TEAD4: variants seen among roughly 807,000 people sequenced by gnomAD.
TEAD4 encodes TEA domain transcription factor 4.
TEAD4 carries 36 observed loss-of-function variants against 52.4 expected under a neutral mutation model. The ratio of observed to expected loss-of-function variants is 0.69; its 90% confidence interval spans 0.53 to 0.91. TEAD4 has a LOEUF of 0.91. Ranked by LOEUF, TEAD4 falls within the 40% of genes least tolerant of loss-of-function variation. TEAD4 has a pLI of 0.00. For missense variants in TEAD4, 508 were observed against 583.9 expected (o/e 0.87, Z 1.34); for synonymous variants, 220 against 231.0 (o/e 0.95, Z 0.43).
intron 9 of TEAD4, 79 bp downstream of exon 9, chr12:3,020,852 C>A: frequency 7.2e-7 from 1 of 1,396,732 alleles, no homozygotes; most frequent in Non-Finnish European, 9.5e-7. Context: ...TCTTGCCCCA[C>A]TCCATGCTGG....
At chr12:2,973,995 C>T (rs2098227365) in intron 2 of TEAD4, among the ~76,000 whole-genome samples, 1 of 152,018 alleles carries the variant, frequency 6.6e-6, no homozygotes, top group African/African-American at 2.4e-5. Context: ...TGAAGGCTTC[C>T]AGCTATTGTT....
At chr12:3,006,616 G>A (rs539266037) in intron 3 of TEAD4, among the ~76,000 whole-genome samples, 7 of 152,184 alleles carry the variant, frequency 4.6e-5, no homozygotes, top group East Asian at 1.9e-4. Context: ...CCTGGGAGGC[G>A]GAGGTTGTGG....
intron 10 of TEAD4, among the ~76,000 whole-genome samples, chr12:3,036,382 G>A (rs1275709216): frequency 6.6e-6 from 1 of 152,192 alleles, no homozygotes; most frequent in Non-Finnish European, 1.5e-5. Context: ...CCCACCGCCA[G>A]TCTAGAGAAA....
In TEAD4 at chr12:3,038,101, A is replaced by G. The variant is rs2098280526; in HGVS notation, c.1031A>G (p.Lys344Arg). The change falls in exon 11 of 13, where the codon AAA (lysine) becomes AGA (arginine). Residue 344 changes from lysine to arginine, a missense_variant. Physicochemically the swap from Lys to Arg is conservative, Grantham distance 26. Coordinates refer to ENST00000359864, the MANE Select transcript of TEAD4 (RefSeq NM_003213.4). The stretch of plus-strand genomic sequence containing the variant: ...TCTTTCGGCAAGCAGGTGGTGGAGA[A>G]AGTTGAGGTAGGAGGCCACCCTGGC... The G allele has an allele frequency of 1.2e-6, 2 of 1,611,678 alleles. No individual in the cohort carries two copies. Among genetic ancestry groups the G allele is most frequent in the African/African-American group, 2.7e-5 (2 of 74,870 alleles).
chr12:3,023,723 C>T (rs915172158), intron 10 of TEAD4, among the ~76,000 whole-genome samples: 8 of 147,518 alleles, frequency 5.4e-5, no homozygotes, highest in African/African-American at 2.0e-4. Context: ...ACGTGGGAGG[C>T]GGAGGTTGCA....
intron 3 of TEAD4, among the ~76,000 whole-genome samples, chr12:3,000,077 C>T (rs191381140): frequency 1.6e-4 from 25 of 152,276 alleles, no homozygotes; most frequent in Admixed American, 6.5e-4. Flanking sequence ...CTGGGCAGGC[C>T]GGGCTGAGGC....
At chr12:2,971,888 C>T (rs2098225466) in intron 2 of TEAD4, among the ~76,000 whole-genome samples, 1 of 145,540 alleles carries the variant, frequency 6.9e-6, no homozygotes, top group South Asian at 2.1e-4. Flanking sequence ...TCACAGCTCA[C>T]TGCAACCTCC....
At chr12:3,034,503 C>A (rs537209382) in intron 10 of TEAD4, among the ~76,000 whole-genome samples, 15 of 152,224 alleles carry the variant, frequency 9.9e-5, no homozygotes, top group African/African-American at 2.6e-4. Flanking sequence ...GGGGGATCTG[C>A]CAATTGCTCC....
At chr12:3,026,484 T>G (rs1166035707) in intron 10 of TEAD4, among the ~76,000 whole-genome samples, 1 of 152,228 alleles carries the variant, frequency 6.6e-6, no homozygotes, top group Non-Finnish European at 1.5e-5. Flanking sequence ...GTATGACTTC[T>G]GTACTCAGGG....
rs753892781 is a variant in TEAD4 at position 3,021,818 on chromosome 12, C to G, written c.724-26C>G. On this transcript the variant is annotated intron_variant, in intron 9 of 12. Coordinates refer to ENST00000359864, the MANE Select transcript of TEAD4 (RefSeq NM_003213.4). The stretch of plus-strand genomic sequence containing the variant: ...TCTGACCGTCTGGCCTGTGCTCCGT[C>G]TCCCTCAGACCCACTCTCTCCACAG... The G allele has an allele frequency of 4.2e-5, 67 of 1,608,808 alleles. 1 individual carries two copies. The South Asian group carries it at 6.8e-4, about 16-fold the overall frequency.
At chr12:2,987,000 CTG>C (rs1169787075) in intron 2 of TEAD4, among the ~76,000 whole-genome samples, 12 of 152,146 alleles carry the variant, frequency 7.9e-5, no homozygotes, top group Non-Finnish European at 1.2e-4. Context: ...TTTCTGGTCT[CTG>C]TGTGGATAGT....
chr12:3,020,831 G>A, intron 9 of TEAD4, 58 bp downstream of exon 9: 3 of 1,475,554 alleles, frequency 2.0e-6, no homozygotes, highest in Middle Eastern at 1.8e-4. Flanking sequence ...CTCTGTTTCT[G>A]CTTCCGGCAG....
At chr12:2,983,065 G>A (rs570012751) in intron 2 of TEAD4, among the ~76,000 whole-genome samples, 49 of 152,194 alleles carry the variant, frequency 3.2e-4, no homozygotes, top group Middle Eastern at 3.4e-3. Flanking sequence ...GGCCTCCACC[G>A]CACCCTCCAC....
intron 2 of TEAD4, among the ~76,000 whole-genome samples, chr12:2,991,765 C>A (rs922848193): frequency 1.3e-5 from 2 of 151,748 alleles, no homozygotes; most frequent in Non-Finnish European, 2.9e-5. Flanking sequence ...TAGTTTATTC[C>A]CGAAAAAGCG....
At chr12:3,013,303 T>C (rs577711752) in intron 5 of TEAD4, among the ~76,000 whole-genome samples, 9 of 151,674 alleles carry the variant, frequency 5.9e-5, no homozygotes, top group African/African-American at 1.7e-4. Flanking sequence ...TTTTCTTTTC[T>C]TCCCCCAACA....
chr12:3,031,548 TA>T (rs2098275552), intron 10 of TEAD4, among the ~76,000 whole-genome samples: 1 of 152,066 alleles, frequency 6.6e-6, no homozygotes, highest in Admixed American at 6.5e-5. Flanking sequence ...AGGCATGGAG[TA>T]AGCAGGGCCT....
At chr12:3,033,322 C>T (rs2098277029) in intron 10 of TEAD4, among the ~76,000 whole-genome samples, 1 of 152,226 alleles carries the variant, frequency 6.6e-6, no homozygotes, top group Admixed American at 6.5e-5. Flanking sequence ...GGGCTGTGCA[C>T]AGCCTCAGCC....
chr12:2,965,856 A>T (rs1220063341), intron 2 of TEAD4, among the ~76,000 whole-genome samples: 1 of 152,002 alleles, frequency 6.6e-6, no homozygotes, highest in Non-Finnish European at 1.5e-5. Flanking sequence ...AAATTTTTTT[A>T]AATTATCATT....
At chr12:3,011,240 T>C (rs1290302985) in intron 4 of TEAD4, among the ~76,000 whole-genome samples, 172 bp downstream of exon 4, 1 of 151,926 alleles carries the variant, frequency 6.6e-6, no homozygotes, top group Non-Finnish European at 1.5e-5. Flanking sequence ...TTTTTCTTTC[T>C]TTTTTCTGAG....
Sources: allele counts gnomAD v4.1 joint callset (sites outside exome capture counted in the v4.1 genomes callset), GRCh38; gene constraint gnomAD v4.1.1; transcripts MANE v1.5; gene names NCBI Gene and HGNC (gene_info 2026-07-23, HGNC 2026-07-21).